Variants in CTNNA3 observed in about 807,000 individuals in gnomAD.
The protein encoded by CTNNA3 is catenin alpha 3.
Under a neutral mutation model 95.7 loss-of-function variants are expected in CTNNA3, and 76 were observed. The observed-to-expected ratio is 0.79, with a 90% CI of 0.66 to 0.96. The LOEUF is 0.96. Among genes scored for constraint, CTNNA3 ranks in the 40% least tolerant of loss-of-function variants. The pLI is 0.00. For missense variants in CTNNA3, 1,191 were observed against 1,089.8 expected (o/e 1.09, Z -1.31); for synonymous variants, 431 against 374.4 (o/e 1.15, Z -1.74).
chr10:66,880,038 A>T (rs1844785392), intron 7 of CTNNA3, among the ~76,000 whole-genome samples: 1 of 152,130 alleles, frequency 6.6e-6, no homozygotes, highest in Admixed American at 6.6e-5. Flanking sequence ...TTCTGGCAGC[A>T]ACGTTCAGAA....
intron 1 of CTNNA3, among the ~76,000 whole-genome samples, chr10:67,667,055 C>T (rs1840344303): frequency 1.3e-5 from 2 of 152,140 alleles, no homozygotes; most frequent in South Asian, 4.1e-4. Flanking sequence ...AACTAAATTA[C>T]AGGATAAAAT....
At position 67,441,689 on chromosome 10, in the gene CTNNA3, T is replaced by A. The variant is rs372418803; in HGVS notation, c.579+80153A>T. Among the ~76,000 whole-genome samples the A allele has an allele frequency of 2.6e-5, 4 of 152,250 alleles. No homozygotes were observed. The East Asian group carries it at 5.8e-4, about 22-fold the overall frequency. On this transcript the variant is annotated intron_variant, in intron 5 of 17. Coordinates refer to ENST00000433211, the MANE Select transcript of CTNNA3 (RefSeq NM_013266.4). Reference sequence around the variant, plus strand: ...AAAGTGCTGAAGGAAAAAACTTTTATTCTAGAATAGTATATACTGTGAAAA... The same window carrying A: ...AAAGTGCTGAAGGAAAAAACTTTTAATCTAGAATAGTATATACTGTGAAAA...
At chr10:66,951,474 T>C (rs560078222) in intron 7 of CTNNA3, among the ~76,000 whole-genome samples, 1 of 152,290 alleles carries the variant, frequency 6.6e-6, no homozygotes, top group Non-Finnish European at 1.5e-5. Context: ...ATGTGTCCCC[T>C]AACGTATTTA....
At chr10:66,721,698 C>T (rs971028238) in intron 9 of CTNNA3, among the ~76,000 whole-genome samples, 2 of 152,090 alleles carry the variant, frequency 1.3e-5, no homozygotes, top group African/African-American at 4.8e-5. Context: ...GTTTGGGAGA[C>T]CATAAAAACA....
At chr10:66,717,719 T>A (rs1848498104) in intron 9 of CTNNA3, among the ~76,000 whole-genome samples, 1 of 152,094 alleles carries the variant, frequency 6.6e-6, no homozygotes, top group African/African-American at 2.4e-5. Flanking sequence ...CCCAGCACAG[T>A]CTTAATCACC....
At chr10:66,209,538 G>T (rs1214691141) in intron 13 of CTNNA3, among the ~76,000 whole-genome samples, 1 of 152,106 alleles carries the variant, frequency 6.6e-6, no homozygotes, top group East Asian at 1.9e-4. Flanking sequence ...CCCGAGGCAG[G>T]ATCATAGCCA....
intron 9 of CTNNA3, among the ~76,000 whole-genome samples, chr10:66,746,567 A>C (rs1418937546): frequency 1.3e-5 from 2 of 152,080 alleles, no homozygotes; most frequent in Non-Finnish European, 2.9e-5. Flanking sequence ...TAGCTATGTC[A>C]TTTTATCTTC....
At position 66,775,481 on chromosome 10, in the gene CTNNA3, T is replaced by C. The variant is rs753966151; in HGVS notation, c.1091A>G (p.Asp364Gly). Residue 364 changes from aspartate (D) to glycine (G), a missense_variant, in exon 8 of 18, where the codon GAC (aspartate) becomes GGC (glycine). Physicochemically the swap from Asp to Gly is moderately conservative, Grantham distance 94. Transcript: ENST00000433211. Reference protein sequence around the residue: ...ERSNTLNIALDNMCKKTRDLR... With the variant: ...ERSNTLNIALGNMCKKTRDLR... Reference sequence around the variant, plus strand: ...GTCTCTTGTCTTCTTACACATGTTGTCTAAAGCAATATTCAGGGTATTACT... The same window carrying C: ...GTCTCTTGTCTTCTTACACATGTTGCCTAAAGCAATATTCAGGGTATTACT... The C allele has an allele frequency of 1.1e-5, 17 of 1,611,974 alleles. No individual in the cohort carries two copies. Among genetic ancestry groups the C allele is most frequent in the Admixed American group, 1.7e-5 (1 of 59,732 alleles).
chr10:67,087,316 A>T (rs1025456366), intron 7 of CTNNA3, among the ~76,000 whole-genome samples: 1 of 152,012 alleles, frequency 6.6e-6, no homozygotes, highest in African/African-American at 2.4e-5. Context: ...ACTCCTGGAG[A>T]TCATGAGCAG....
intron 10 of CTNNA3, among the ~76,000 whole-genome samples, chr10:66,538,354 C>G (rs1325394457): frequency 6.6e-6 from 1 of 152,080 alleles, no homozygotes; most frequent in Non-Finnish European, 1.5e-5. Flanking sequence ...TTCTTGGACT[C>G]AGCAAAGGCA....
At chr10:66,767,593 AGACAGAAAAATGTAATTTTTCT>A (rs1274702513) in intron 8 of CTNNA3, among the ~76,000 whole-genome samples, 2 of 152,210 alleles carry the variant, frequency 1.3e-5, no homozygotes, top group East Asian at 3.9e-4. Context: ...AATAGCTGTC[AGACAGAAAAATGTAATTTTTCT>A]GTCAAAGTTA....
chr10:67,456,099 T>C (rs11595435), intron 5 of CTNNA3, among the ~76,000 whole-genome samples: 13,100 of 152,210 alleles, frequency 0.086, 663 homozygotes, highest in South Asian at 0.16. Flanking sequence ...TAATTTTATA[T>C]ACATATTCTA....
Position 66,433,016 on chromosome 10 carries a change from T to C in CTNNA3, c.1532-53664A>G, listed in dbSNP as rs760728242. ...TGGCTGCATAGTATTCTATGGTGTATATGTGCCACATTTTCTTGAGCCAGT... is the reference window on the plus strand; with the variant it reads ...TGGCTGCATAGTATTCTATGGTGTACATGTGCCACATTTTCTTGAGCCAGT... On this transcript the variant is annotated intron_variant, in intron 11 of 17. Transcript: ENST00000433211. Among the ~76,000 whole-genome samples, 226 of 152,338 alleles carry C rather than the reference T, an allele frequency of 1.5e-3. 1 individual carries two copies. The highest frequency in any genetic ancestry group is 3.4e-3 in the Middle Eastern group (1 of 294).
chr10:67,713,138 C>G (rs1231943031), intron 1 of CTNNA3, among the ~76,000 whole-genome samples: 2 of 152,180 alleles, frequency 1.3e-5, no homozygotes, highest in East Asian at 3.9e-4. Flanking sequence ...TGAACAGACA[C>G]TTCTCAAAAG....
At chr10:67,235,316 A>G (rs897017848) in intron 5 of CTNNA3, among the ~76,000 whole-genome samples, 1 of 152,072 alleles carries the variant, frequency 6.6e-6, no homozygotes, top group Non-Finnish European at 1.5e-5. Context: ...CAAAACAGAG[A>G]TATAGATCAA....
chr10:65,986,848 G>A (rs1358245177), intron 16 of CTNNA3, among the ~76,000 whole-genome samples: 1 of 150,208 alleles, frequency 6.7e-6, no homozygotes, highest in Non-Finnish European at 1.5e-5. Flanking sequence ...CATGGTACTG[G>A]CATTAAAAAA....
intron 10 of CTNNA3, among the ~76,000 whole-genome samples, chr10:66,526,575 G>A (rs1043643903): frequency 3.3e-5 from 5 of 152,060 alleles, no homozygotes; most frequent in Admixed American, 1.3e-4. Flanking sequence ...ATGCCCAAGA[G>A]TTCCTATTTT....
At chr10:67,314,355 C>T (rs1267679404) in intron 5 of CTNNA3, among the ~76,000 whole-genome samples, 2 of 152,112 alleles carry the variant, frequency 1.3e-5, no homozygotes, top group Non-Finnish European at 2.9e-5. Context: ...AGGAAAGACT[C>T]CCATAACTCT....
At chr10:66,957,380 G>C (rs1848847329) in intron 7 of CTNNA3, among the ~76,000 whole-genome samples, 1 of 61,688 alleles carries the variant, frequency 1.6e-5, no homozygotes, top group Non-Finnish European at 3.3e-5. Context: ...GAATATGTGT[G>C]TGTATATATA....
Sources: gnomAD v4.1 joint callset for allele counts (sites outside exome capture counted in the v4.1 genomes callset) on GRCh38, gnomAD v4.1.1 for gene constraint, MANE v1.5 for transcripts, NCBI Gene and HGNC (gene_info 2026-07-23, HGNC 2026-07-21) for gene names.